The following MGRN1 variants were observed in gnomAD, a reference collection of about 807,000 sequenced individuals.
MGRN1 encodes mahogunin ring finger 1.
Under a neutral mutation model 69.2 loss-of-function variants are expected in MGRN1, and 29 were observed. The observed-to-expected ratio is 0.42, with a 90% CI of 0.31 to 0.57. The LOEUF is 0.57. Among genes scored for constraint, MGRN1 ranks in the 20% least tolerant of loss-of-function variants. The pLI is 0.15. For missense variants in MGRN1, 998 were observed against 796.2 expected, an observed-to-expected ratio of 1.25 and a Z score of -3.05; for synonymous variants, 470 against 344.2, an observed-to-expected ratio of 1.37 and a Z score of -4.04.
chr16:4,658,204 G>C (rs2078596113), intron 5 of MGRN1, among the ~76,000 whole-genome samples: 1 of 151,932 alleles, frequency 6.6e-6, no homozygotes, highest in African/African-American at 2.4e-5. Flanking sequence ...TCTGCAGCTT[G>C]CAAAGACCCT....
At chr16:4,656,226 A>G (rs1317761091) in intron 4 of MGRN1, among the ~76,000 whole-genome samples, 1 of 152,246 alleles carries the variant, frequency 6.6e-6, no homozygotes, top group Non-Finnish European at 1.5e-5. Flanking sequence ...GCCTGTGGCT[A>G]AGACATGCAG....
chr16:4,655,204 G>C (rs1338353483), intron 4 of MGRN1, among the ~76,000 whole-genome samples: 1 of 152,162 alleles, frequency 6.6e-6, no homozygotes, highest in Non-Finnish European at 1.5e-5. Flanking sequence ...TGTGGGCTGA[G>C]GACACAGGCC....
intron 5 of MGRN1, among the ~76,000 whole-genome samples, chr16:4,660,043 G>A (rs796754770): frequency 7.2e-5 from 11 of 152,222 alleles, no homozygotes; most frequent in African/African-American, 2.7e-4. Context: ...ACGCTTCCCC[G>A]AAGAGAACCT....
chr16:4,686,851 G>C (rs2079331914), intron 16 of MGRN1: 1 of 985,740 alleles, frequency 1.0e-6, no homozygotes, highest in African/African-American at 1.7e-5. Flanking sequence ...AACAATTCAT[G>C]GGGAAAGAAT....
rs2079397969 is a variant in MGRN1, at chr16:4,688,897, A to G, written c.1720A>G (p.Thr574Ala). ...PSPDPSAAEL[T>A]PL is the part of the protein sequence containing the mutation. ...CCCCGATCCCAGCGCCGCCGAGCTGACCCCACTCTGAGAGCCTGGCCGAGC... is the reference window on the plus strand; with the variant it reads ...CCCCGATCCCAGCGCCGCCGAGCTGGCCCCACTCTGAGAGCCTGGCCGAGC... The change falls in exon 17 of 17, where the codon ACC (threonine) becomes GCC (alanine). Residue 574 changes from threonine (T) to alanine (A), a missense_variant. Coordinates refer to ENST00000262370, the MANE Select transcript of MGRN1 (RefSeq NM_015246.4). The G allele has an allele frequency of 6.5e-7, 1 of 1,545,232 alleles. No individual in the cohort carries two copies.
chr16:4,688,194 C>A, intron 16 of MGRN1: 1 of 985,572 alleles, frequency 1.0e-6, no homozygotes, highest in Non-Finnish European at 1.2e-6. Flanking sequence ...ATGCTGGCCC[C>A]GTCCCAGGCT....
intron 1 of MGRN1, chr16:4,649,857 T>A (rs2078361752): frequency 6.5e-6 from 1 of 154,640 alleles, no homozygotes; most frequent in South Asian, 1.9e-4. Context: ...GAGGCCACCT[T>A]GGAAGGCCCG....
At chr16:4,687,884 C>T in intron 16 of MGRN1, 1 of 985,530 alleles carries the variant, frequency 1.0e-6, no homozygotes, top group East Asian at 1.1e-4. Flanking sequence ...CCCAGCGAGT[C>T]CCTCTGTTGA....
rs996060303 is a variant in MGRN1 at position 4,680,291 on chromosome 16, G to A, written c.1131+194G>A. Reference sequence around the variant, plus strand: ...AAAGCTCTCGGTCCGTGGGCGAAACGCCAGGTGCGCTGGCCCCGCCGCCCT... The same window carrying A: ...AAAGCTCTCGGTCCGTGGGCGAAACACCAGGTGCGCTGGCCCCGCCGCCCT... On this transcript the variant is annotated intron_variant, in intron 12 of 16. Coordinates refer to ENST00000262370, the MANE Select transcript of MGRN1 (RefSeq NM_015246.4). 1.2e-5 allele frequency: 7 copies of A among 576,612 alleles called. No homozygotes were observed. The South Asian group carries it at 1.5e-4, about 13-fold the overall frequency. The allele number at this position is 576,612 out of a possible 1,614,324, so 35.7% of individuals were successfully genotyped here. A position where few individuals can be genotyped will look rare whatever the true frequency, so the allele number is the denominator to read the frequency against.
rs369575372 is a variant in MGRN1 at position 4,677,524 on chromosome 16, G to A, written c.1017G>A (p.Val339=). 3 of 1,597,960 alleles carry A rather than the reference G, an allele frequency of 1.9e-6. No individual in the cohort carries two copies. Among genetic ancestry groups the A allele is most frequent in the Non-Finnish European group, 2.5e-6 (3 of 1,178,260 alleles). Reference sequence around the variant, plus strand: ...AGAAGCCAGGAGCCCTGTCCCCCGTGTCCTTCAGCCCCGTCCTGGCCCAGA... The same window carrying A: ...AGAAGCCAGGAGCCCTGTCCCCCGTATCCTTCAGCCCCGTCCTGGCCCAGA... The part of the protein sequence containing the change: ...VRKKPGALSP[V]SFSPVLAQSL... Residue 339 remains valine (V), a synonymous_variant, in exon 11 of 17, where the codon GTG becomes GTA. Coordinates refer to ENST00000262370, the MANE Select transcript of MGRN1 (RefSeq NM_015246.4).
intron 16 of MGRN1, among the ~76,000 whole-genome samples, chr16:4,685,076 T>C (rs2079278051): frequency 1.3e-5 from 2 of 152,236 alleles, no homozygotes; most frequent in Non-Finnish European, 2.9e-5. Flanking sequence ...GGTGCCCTGA[T>C]GACCACAGCG....
chr16:4,686,279 T>A, intron 16 of MGRN1: 1 of 1,544,872 alleles, frequency 6.5e-7, no homozygotes, highest in Non-Finnish European at 8.7e-7. Context: ...CGACTCCTGC[T>A]CTGTTGGTAT....
chr16:4,671,378 C>G lies in MGRN1; in HGVS notation c.727-13C>G, dbSNP rs746485654. The stretch of plus-strand genomic sequence containing the variant: ...GTTGGCGAGGGCCCAGTGAGCCCCT[C>G]TCTGCTCTCCAGGTGGACCGGGTCA... On this transcript the variant is annotated splice_polypyrimidine_tract_variant and intron_variant, in intron 8 of 16. Coordinates refer to ENST00000262370, the MANE Select transcript of MGRN1 (RefSeq NM_015246.4). 5 of 1,614,032 alleles carry G rather than the reference C, an allele frequency of 3.1e-6. No homozygotes were observed. The highest frequency in any genetic ancestry group is 4.2e-6 in the Non-Finnish European group (5 of 1,179,944).
intron 7 of MGRN1, among the ~76,000 whole-genome samples, chr16:4,665,986 T>C (rs1183987476): frequency 1.3e-5 from 2 of 152,028 alleles, no homozygotes; most frequent in African/African-American, 2.4e-5. Context: ...CCCGCCACCA[T>C]GCCCAGCTAA....
Position 4,683,853 on chromosome 16 carries a change from A to G in MGRN1, c.1539A>G (p.Ala513=). Residue 513 remains alanine, a synonymous_variant, in exon 16 of 17, where the codon GCA becomes GCG. Coordinates refer to ENST00000262370, the MANE Select transcript of MGRN1 (RefSeq NM_015246.4). Reference sequence around the variant, plus strand: ...ACCCTCTGCCTGCAGGGACCCGAGCAGCTTCCATTGAGAATGTCCTGCAGG... The same window carrying G: ...ACCCTCTGCCTGCAGGGACCCGAGCGGCTTCCATTGAGAATGTCCTGCAGG... ...ESSSPQQGTR[A]ASIENVLQDS... is the part of the protein sequence containing the mutation. The G allele has an allele frequency of 6.2e-7, 1 of 1,607,698 alleles. No individual in the cohort carries two copies. The highest frequency in any genetic ancestry group is 8.5e-7 in the Non-Finnish European group (1 of 1,176,468).
intron 9 of MGRN1, among the ~76,000 whole-genome samples, chr16:4,673,079 C>G (rs370703085): frequency 6.6e-6 from 1 of 152,244 alleles, no homozygotes; most frequent in Non-Finnish European, 1.5e-5. Flanking sequence ...ACCTCGTGAT[C>G]TGCCCGCCTC....
At chr16:4,682,584 C>G (rs2079213190) in intron 13 of MGRN1, among the ~76,000 whole-genome samples, 1 of 150,916 alleles carries the variant, frequency 6.6e-6, no homozygotes, top group South Asian at 2.1e-4. Flanking sequence ...AAAAGGAAGG[C>G]TAGGCCCGTG....
At chr16:4,687,936 G>C in intron 16 of MGRN1, 2 of 985,660 alleles carry the variant, frequency 2.0e-6, no homozygotes, top group Non-Finnish European at 2.4e-6. Flanking sequence ...GAAACAGTCA[G>C]CACCTTTCAG....
At chr16:4,680,440 C>T (rs1298296603) in intron 12 of MGRN1, 4 of 285,678 alleles carry the variant, frequency 1.4e-5, no homozygotes, top group African/African-American at 2.2e-5. Flanking sequence ...TCGCGCCCCG[C>T]GCATGCTTCT....
Sources: gnomAD v4.1 joint callset for allele counts (sites outside exome capture counted in the v4.1 genomes callset) on GRCh38, gnomAD v4.1.1 for gene constraint, MANE v1.5 for transcripts, NCBI Gene and HGNC (gene_info 2026-07-23, HGNC 2026-07-21) for gene names.